ITPR1: variants seen among roughly 807,000 people sequenced by gnomAD.
The protein encoded by ITPR1 is inositol 1,4,5-trisphosphate-gated calcium channel ITPR1.
In ITPR1, 96 loss-of-function variants were observed where a neutral mutation model predicts 318.4. That is an observed-to-expected ratio of 0.30 (90% confidence interval 0.26 to 0.36). The LOEUF is 0.36. ITPR1 is among the 10% of genes least tolerant of loss of function. ITPR1 has a pLI of 1.00. For synonymous variants in ITPR1, 1,312 were observed against 1,289.9 expected (o/e 1.02, Z -0.37); for missense variants, 2,440 against 3,460.2 (o/e 0.71, Z 7.40).
chr3:4,828,795 C>A (rs1054949439), intron 60 of ITPR1, among the ~76,000 whole-genome samples: 3 of 152,102 alleles, frequency 2.0e-5, no homozygotes, highest in Admixed American at 2.0e-4. Flanking sequence ...CATTCCAGTC[C>A]AGCTGAAGAT....
chr3:4,638,442 G>A (rs955457359), intron 5 of ITPR1, among the ~76,000 whole-genome samples: 11 of 152,246 alleles, frequency 7.2e-5, no homozygotes, highest in South Asian at 2.1e-4. Flanking sequence ...GAATGAATTC[G>A]GGAAGGTGGC....
chr3:4,652,497 G>A (rs182556395), intron 11 of ITPR1, among the ~76,000 whole-genome samples: 55 of 152,142 alleles, frequency 3.6e-4, no homozygotes, highest in African/African-American at 1.2e-3. Flanking sequence ...TTTCCATTTC[G>A]CTTTTATATA....
In ITPR1 at chr3:4,768,692, G is replaced by A. The variant is rs750366150; in HGVS notation, c.5907G>A (p.Ala1969=). ...CCAAGGACGACCTGGAGATGAGCGC[G>A]GTCATCACCATCATGCAGCCCATCC... is the stretch of plus-strand genomic sequence containing the variant. The part of the protein sequence containing the change: ...DKAKDDLEMS[A]VITIMQPILR... The change falls in exon 46 of 62, where the codon GCG becomes GCA. Residue 1969 remains alanine (A), a synonymous_variant. Transcript: ENST00000649015. 18 of 1,613,854 alleles carry A rather than the reference G, an allele frequency of 1.1e-5. No individual in the cohort carries two copies. The highest frequency in any genetic ancestry group is 9.9e-5 in the South Asian group (9 of 91,074).
At chr3:4,838,084 A>C (rs1054026142) in intron 61 of ITPR1, among the ~76,000 whole-genome samples, 1 of 152,158 alleles carries the variant, frequency 6.6e-6, no homozygotes, top group Non-Finnish European at 1.5e-5. Flanking sequence ...TAATCATCAT[A>C]CTTAGATTTA....
chr3:4,681,704 A>C (rs1393321418), intron 26 of ITPR1, among the ~76,000 whole-genome samples: 1 of 151,844 alleles, frequency 6.6e-6, no homozygotes, highest in African/African-American at 2.4e-5. Context: ...CAAAATACCT[A>C]CATTACAAGA....
intron 2 of ITPR1, among the ~76,000 whole-genome samples, chr3:4,514,809 G>A (rs931002873): frequency 6.6e-6 from 1 of 152,326 alleles, no homozygotes; most frequent in South Asian, 2.1e-4. Flanking sequence ...AAGCGCAGAA[G>A]GGAAATATTA....
chr3:4,618,627 G>A (rs957878242), intron 4 of ITPR1, among the ~76,000 whole-genome samples: 2 of 152,104 alleles, frequency 1.3e-5, no homozygotes, highest in Non-Finnish European at 2.9e-5. Context: ...CTTTTGTAGC[G>A]TTTACCGAGT....
chr3:4,768,361 G>C (rs1017205720), intron 45 of ITPR1, 150 bp from the exon 46 acceptor site: 2 of 877,030 alleles, frequency 2.3e-6, no homozygotes, highest in Non-Finnish European at 3.4e-6. Context: ...TCTGAGGACT[G>C]AGAGCAGATT....
chr3:4,497,968 T>A (rs2080726891), intron 2 of ITPR1, among the ~76,000 whole-genome samples: 1 of 152,240 alleles, frequency 6.6e-6, no homozygotes, highest in African/African-American at 2.4e-5. Context: ...ATTTTATGAT[T>A]TTTCTTATAG....
intron 44 of ITPR1, among the ~76,000 whole-genome samples, chr3:4,757,409 C>A (rs1187161541): frequency 2.0e-5 from 3 of 152,190 alleles, no homozygotes; most frequent in Non-Finnish European, 4.4e-5. Context: ...TGTGTACCTT[C>A]TGCCACTATT....
intron 4 of ITPR1, among the ~76,000 whole-genome samples, chr3:4,566,227 T>C (rs1055264565): frequency 3.3e-5 from 5 of 152,352 alleles, no homozygotes; most frequent in Non-Finnish European, 7.3e-5. Context: ...TTTCCAGGGC[T>C]GTATTCATTC....
intron 51 of ITPR1, among the ~76,000 whole-genome samples, 157 bp downstream of exon 51, chr3:4,784,077 C>T (rs545087447): frequency 2.0e-5 from 3 of 152,008 alleles, no homozygotes; most frequent in Non-Finnish European, 4.4e-5. Context: ...CATCCCATGG[C>T]CAAGACAGTC....
intron 60 of ITPR1, among the ~76,000 whole-genome samples, chr3:4,820,796 G>A (rs1356460941): frequency 1.3e-5 from 2 of 152,168 alleles, no homozygotes; most frequent in Non-Finnish European, 2.9e-5. Flanking sequence ...CTGCTGTTGT[G>A]TTTAGGCTTG....
intron 4 of ITPR1, among the ~76,000 whole-genome samples, chr3:4,537,062 C>T (rs1476622001): frequency 1.3e-5 from 2 of 152,200 alleles, no homozygotes; most frequent in African/African-American, 2.4e-5. Context: ...AGCCTACGTC[C>T]ATATCTTGTG....
chr3:4,573,849 G>C (rs6785564), intron 4 of ITPR1, among the ~76,000 whole-genome samples: 3 of 152,094 alleles, frequency 2.0e-5, no homozygotes, highest in Admixed American at 6.5e-5. Context: ...TTCTGACATC[G>C]TAGTGTATTT....
chr3:4,644,135 G>A lies in ITPR1; in HGVS notation c.526-1G>A, dbSNP rs1051755526. ...AGCTCTATTGCTCCTTTCCATTCCA[G>A]GTGGTCATAGGTGACAAGGTGGTTC... On this transcript the variant is annotated splice_acceptor_variant, in intron 7 of 61. Transcript: ENST00000649015. LOFTEE classifies it high-confidence loss of function. 6.2e-7 allele frequency: 1 copy of A among 1,605,542 alleles called. No homozygotes were observed. The highest frequency in any genetic ancestry group is 8.5e-7 in the Non-Finnish European group (1 of 1,174,352).
At chr3:4,603,178 A>AT (rs1233335847) in intron 4 of ITPR1, among the ~76,000 whole-genome samples, 2 of 143,970 alleles carry the variant, frequency 1.4e-5, no homozygotes, top group African/African-American at 5.3e-5. Flanking sequence ...GATGACAGGC[A>AT]TTTTTTATTT....
intron 44 of ITPR1, among the ~76,000 whole-genome samples, chr3:4,757,663 A>G (rs1006581072): frequency 1.3e-5 from 2 of 152,160 alleles, no homozygotes; most frequent in African/African-American, 4.8e-5. Context: ...CAGTTTCTTC[A>G]TCTGTAAACT....
intron 44 of ITPR1, among the ~76,000 whole-genome samples, chr3:4,736,966 C>T (rs147856193): frequency 6.6e-6 from 1 of 152,290 alleles, no homozygotes; most frequent in Non-Finnish European, 1.5e-5. Flanking sequence ...AAAATGAGGA[C>T]AATGTGGTGA....
Sources: allele counts gnomAD v4.1 joint callset (sites outside exome capture counted in the v4.1 genomes callset), GRCh38; gene constraint gnomAD v4.1.1; transcripts MANE v1.5; gene names NCBI Gene and HGNC (gene_info 2026-07-23, HGNC 2026-07-21).